Variants in DENND11 observed in about 807,000 individuals in gnomAD.
DENND11 encodes the protein DENN domain-containing protein 11.
DENND11 carries 34 observed loss-of-function variants against 49.2 expected under a neutral mutation model. The observed-to-expected ratio is 0.69, with a 90% CI of 0.53 to 0.92. The LOEUF (loss-of-function observed/expected upper bound fraction) is 0.92, where lower values mean the gene tolerates loss of function less well. Among genes scored for constraint, DENND11 ranks in the 40% least tolerant of loss-of-function variants. DENND11 has a pLI of 0.00. For missense variants in DENND11, 475 were observed against 581.6 expected, an observed-to-expected ratio of 0.82 and a Z score of 1.88; for synonymous variants, 238 against 230.3, an observed-to-expected ratio of 1.03 and a Z score of -0.30.
At chr7:141,701,777 T>C (rs1798524025) in intron 1 of DENND11, 109 bp downstream of exon 1, 1 of 920,244 alleles carries the variant, frequency 1.1e-6, no homozygotes, top group African/African-American at 1.8e-5. Flanking sequence ...TGGTGCGGGG[T>C]GCGGGGCCGG....
rs1019168037 is a variant in DENND11 at position 141,661,673 on chromosome 7, T to G, written c.*983A>C. 2 of 152,244 alleles carry G rather than the reference T, an allele frequency of 1.3e-5. No individual in the cohort carries two copies. The highest frequency in any genetic ancestry group is 4.8e-5 in the African/African-American group (2 of 41,452). The allele number at this position is 152,244 out of a possible 1,614,324, so 9.4% of individuals were successfully genotyped here. On this transcript the variant is annotated 3_prime_UTR_variant, in exon 9 of 9. Transcript: ENST00000536163. ...ATCCTTGCTAGATTTTGGAATCCAG[T>G]AAATCTGTGTTGACCCAGAGGTGCT...
At chr7:141,670,105 C>T (rs560088638) in intron 4 of DENND11, among the ~76,000 whole-genome samples, 95 of 151,088 alleles carry the variant, frequency 6.3e-4, no homozygotes, top group Non-Finnish European at 1.0e-3. Context: ...CCACCGCGCC[C>T]GGCCTCATAC....
At chr7:141,677,501 G>GTATATATATATATATATA (rs1221114182) in intron 3 of DENND11, among the ~76,000 whole-genome samples, 5 of 130,370 alleles carry the variant, frequency 3.8e-5, no homozygotes, top group South Asian at 5.4e-4. Flanking sequence ...GTGTGTGTGT[G>GTATATATATATATATATA]TGTATATATA....
rs539347981 is a variant in DENND11 at position 141,659,595 on chromosome 7, A to T, written c.*3061T>A. ...CCACTCCCACCTGGAACTTCTTCTG[A>T]CTTATTCAGGAACAACAGGGCAGCC... On this transcript the variant is annotated 3_prime_UTR_variant, in exon 9 of 9. Coordinates refer to ENST00000536163, the MANE Select transcript of DENND11 (RefSeq NM_001080392.2). 8 of 152,450 alleles carry T rather than the reference A, an allele frequency of 5.2e-5. No homozygotes were observed. Among genetic ancestry groups the T allele is most frequent in the Admixed American group, 5.2e-4 (8 of 15,304 alleles). The allele number at this position is 152,450 out of a possible 1,614,324, so 9.4% of individuals were successfully genotyped here.
At position 141,702,087 on chromosome 7, in the gene DENND11, GCGGCAGGGAGACGGCGGGGCCCT is replaced by G. The variant is rs1319182493; in HGVS notation, c.44_66del (p.Glu15AlafsTer80). On this transcript the variant is annotated frameshift_variant, in exon 1 of 9. Transcript: ENST00000536163. LOFTEE classifies it high-confidence loss of function. ...CCTCCCGCCTGCGGCTGCGGGGCCT[GCGGCAGGGAGACGGCGGGGCCCT>G]CGGCCCAGCGCAGCAGCGGCGCCGC... The G allele has an allele frequency of 9.1e-6, 9 of 985,608 alleles. No homozygotes were observed. The highest frequency in any genetic ancestry group is 2.3e-4 in the East Asian group (2 of 8,884). The allele number at this position is 985,608 out of a possible 1,614,324, so 61.1% of individuals were successfully genotyped here. A position where few individuals can be genotyped will look rare whatever the true frequency, so the allele number is the denominator to read the frequency against.
chr7:141,671,695 A>G (rs1378797419), intron 4 of DENND11, among the ~76,000 whole-genome samples: 1 of 152,202 alleles, frequency 6.6e-6, no homozygotes, highest in Non-Finnish European at 1.5e-5. Context: ...CATTTAGGTC[A>G]GATGCTGGTC....
intron 5 of DENND11, 30 bp from the exon 6 acceptor site, chr7:141,665,348 G>C (rs971836968): frequency 1.2e-6 from 2 of 1,612,744 alleles, no homozygotes; most frequent in Admixed American, 3.3e-5. Context: ...GAGCGGGGAG[G>C]GTCTGCCCCT....
intron 1 of DENND11, 100 bp from the exon 2 acceptor site, chr7:141,686,758 G>T: frequency 1.3e-6 from 1 of 777,834 alleles, no homozygotes; most frequent in Non-Finnish European, 2.2e-6. Flanking sequence ...TAAACCGACT[G>T]CTGACTCAGC....
chr7:141,693,732 A>T (rs1798364558), intron 1 of DENND11, among the ~76,000 whole-genome samples: 1 of 152,226 alleles, frequency 6.6e-6, no homozygotes, highest in Non-Finnish European at 1.5e-5. Context: ...AAATAAGAGA[A>T]GCCAGCCTGA....
At chr7:141,699,218 T>C (rs1798466107) in intron 1 of DENND11, among the ~76,000 whole-genome samples, 1 of 152,106 alleles carries the variant, frequency 6.6e-6, no homozygotes, top group Non-Finnish European at 1.5e-5. Flanking sequence ...ATAGCAGATC[T>C]GCCTCAGCAG....
chr7:141,669,760 T>C (rs990656637), intron 4 of DENND11, among the ~76,000 whole-genome samples: 1 of 151,786 alleles, frequency 6.6e-6, no homozygotes, highest in Non-Finnish European at 1.5e-5. Context: ...CTGACAGATA[T>C]ATTACATTAT....
In DENND11 at chr7:141,660,052, A is replaced by AT. The variant is rs1348482951; in HGVS notation, c.*2603dup. Reference sequence around the variant, plus strand: ...GTCATGTTGGGGAGCAGAATCTGGCATAGAGCAAGGCTTCGAAAGGTGATT... The same window carrying AT: ...GTCATGTTGGGGAGCAGAATCTGGCATTAGAGCAAGGCTTCGAAAGGTGATT... On this transcript the variant is annotated 3_prime_UTR_variant, in exon 9 of 9. Transcript: ENST00000536163. 6.6e-6 allele frequency: 1 copy of AT among 152,222 alleles called. No individual in the cohort carries two copies. The highest frequency in any genetic ancestry group is 1.5e-5 in the Non-Finnish European group (1 of 68,068). 9.4% of individuals were successfully genotyped at this position (152,222 alleles called of 1,614,324 possible).
At chr7:141,663,436 C>G (rs1282435795) in intron 8 of DENND11, 2 of 152,394 alleles carry the variant, frequency 1.3e-5, no homozygotes, top group Non-Finnish European at 2.9e-5. Flanking sequence ...TGCCTGGTGC[C>G]TGAAGCGGCC....
At chr7:141,687,996 G>A (rs868371458) in intron 1 of DENND11, among the ~76,000 whole-genome samples, 1 of 152,004 alleles carries the variant, frequency 6.6e-6, no homozygotes, top group South Asian at 2.1e-4. Context: ...GCCCAGGCTG[G>A]TCTTCAACTC....
intron 3 of DENND11, among the ~76,000 whole-genome samples, chr7:141,684,132 G>A (rs1798192409): frequency 6.6e-6 from 1 of 152,012 alleles, no homozygotes; most frequent in South Asian, 2.1e-4. Context: ...TTGCTTTGTT[G>A]CCCAGGCTGG....
chr7:141,683,437 G>C (rs983986421), intron 3 of DENND11, among the ~76,000 whole-genome samples: 2 of 152,016 alleles, frequency 1.3e-5, no homozygotes, highest in Non-Finnish European at 2.9e-5. Context: ...TCAGGAGTTC[G>C]AGACTAGCCT....
chr7:141,680,876 G>A (rs550556850), intron 3 of DENND11, among the ~76,000 whole-genome samples: 1 of 152,198 alleles, frequency 6.6e-6, no homozygotes, highest in South Asian at 2.1e-4. Context: ...TACTACGACT[G>A]CCATGCTGGA....
chr7:141,666,504 C>T, intron 4 of DENND11, 79 bp from the exon 5 acceptor site: 1 of 1,335,180 alleles, frequency 7.5e-7, no homozygotes, highest in Non-Finnish European at 1.0e-6. Flanking sequence ...TATCTAATCT[C>T]CTTCTCTGAA....
intron 3 of DENND11, among the ~76,000 whole-genome samples, chr7:141,682,713 T>A (rs1798165762): frequency 6.6e-6 from 1 of 152,184 alleles, no homozygotes; most frequent in African/African-American, 2.4e-5. Context: ...CTCTACGCTA[T>A]GACATGAGCA....
Sources: allele counts gnomAD v4.1 joint callset (sites outside exome capture counted in the v4.1 genomes callset), GRCh38; gene constraint gnomAD v4.1.1; transcripts MANE v1.5; gene names NCBI Gene and HGNC (gene_info 2026-07-23, HGNC 2026-07-21).